Variants in ANKRD11 observed in about 807,000 individuals in gnomAD.
ANKRD11 encodes ankyrin repeat domain 11, also known as ankyrin repeat domain-containing protein 11.
ANKRD11 carries 17 observed loss-of-function variants against 195.7 expected under a neutral mutation model. That is an observed-to-expected ratio of 0.09 (90% confidence interval 0.06 to 0.13). The LOEUF is 0.13. ANKRD11 is among the 10% of genes least tolerant of loss of function. The pLI is 1.00. For missense variants in ANKRD11, 3,735 were observed against 3,566.1 expected (o/e 1.05, Z -1.21); for synonymous variants, 1,953 against 1,528.1 (o/e 1.28, Z -6.49).
At chr16:89,318,994 G>T (rs2037135311) in intron 2 of ANKRD11, among the ~76,000 whole-genome samples, 1 of 152,218 alleles carries the variant, frequency 6.6e-6, no homozygotes, top group African/African-American at 2.4e-5. Context: ...GGGCATCTCA[G>T]CACCTGACTC....
intron 2 of ANKRD11, among the ~76,000 whole-genome samples, chr16:89,321,718 T>TAAAA (rs2037339581): frequency 1.3e-5 from 2 of 152,050 alleles, no homozygotes; most frequent in Non-Finnish European, 2.9e-5. Flanking sequence ...AAAAAAGACT[T>TAAAA]CTTTGGGGTT....
At chr16:89,368,947 A>AAG (rs2040072331) in intron 2 of ANKRD11, among the ~76,000 whole-genome samples, 1 of 152,196 alleles carries the variant, frequency 6.6e-6, no homozygotes, top group Admixed American at 6.5e-5. Context: ...GTGGGACTCT[A>AAG]AGAGAAGGTC....
intron 2 of ANKRD11, among the ~76,000 whole-genome samples, chr16:89,391,727 G>T (rs945783495): frequency 1.3e-5 from 2 of 152,186 alleles, no homozygotes; most frequent in African/African-American, 2.4e-5. Flanking sequence ...AAGCACACTT[G>T]TAAGAAGTAA....
intron 1 of ANKRD11, among the ~76,000 whole-genome samples, chr16:89,438,382 C>T (rs2043304788): frequency 6.6e-6 from 1 of 151,330 alleles, no homozygotes; most frequent in East Asian, 1.9e-4. Flanking sequence ...TGCAGTGGTG[C>T]GATCTCAGCT....
At chr16:89,459,866 G>T (rs527582088) in intron 1 of ANKRD11, among the ~76,000 whole-genome samples, 1 of 151,528 alleles carries the variant, frequency 6.6e-6, no homozygotes. Flanking sequence ...CCAGGAAGTC[G>T]AGATTGCAGT....
chr16:89,410,187 T>A (rs2042060654), intron 2 of ANKRD11, among the ~76,000 whole-genome samples: 1 of 152,130 alleles, frequency 6.6e-6, no homozygotes, highest in Admixed American at 6.6e-5. Context: ...AGGGCAGAAT[T>A]TCACACGGAG....
At chr16:89,474,210 A>C (rs2057180753) in intron 1 of ANKRD11, among the ~76,000 whole-genome samples, 1 of 152,172 alleles carries the variant, frequency 6.6e-6, no homozygotes, top group African/African-American at 2.4e-5. Context: ...CTAGATTGCA[A>C]CCGGATGAAA....
At position 89,460,986 on chromosome 16, in the gene ANKRD11, G is replaced by A. The variant is rs1247082566; in HGVS notation, c.-145+29259C>T. 1.0e-4 allele frequency among the ~76,000 whole-genome samples: 11 copies of A among 106,106 alleles called. No homozygotes were observed. In the Admixed American group the frequency reaches 1.6e-3, roughly 15 times the overall value. 69.6% of individuals were successfully genotyped at this position (106,106 alleles called of 152,430 possible). A position where few individuals can be genotyped will look rare whatever the true frequency, so the allele number is the denominator to read the frequency against. ...ATCGTATGACCCCCCCCCCCAACAG[G>A]AGACGCACCTTGAGTGGTGACATTC... is the stretch of plus-strand genomic sequence containing the variant. On this transcript the variant is annotated intron_variant, in intron 1 of 12. Coordinates refer to ENST00000301030, the MANE Select transcript of ANKRD11 (RefSeq NM_013275.6).
chr16:89,376,954 A>G (rs28866281), intron 2 of ANKRD11, among the ~76,000 whole-genome samples: 4,141 of 152,326 alleles, frequency 0.027, 190 homozygotes, highest in African/African-American at 0.094. Flanking sequence ...AAGGGAAAAG[A>G]TAAACACCAG....
intron 2 of ANKRD11, among the ~76,000 whole-genome samples, chr16:89,333,851 C>T (rs1434245267): frequency 2.0e-5 from 3 of 152,202 alleles, no homozygotes; most frequent in African/African-American, 4.8e-5. Context: ...CAGAAAGGGA[C>T]GGTATTATTC....
intron 4 of ANKRD11, among the ~76,000 whole-genome samples, chr16:89,304,221 C>T (rs935453106): frequency 5.3e-5 from 8 of 152,202 alleles, no homozygotes; most frequent in African/African-American, 1.2e-4. Flanking sequence ...CTGCAGAAGG[C>T]GCTGACCCCA....
In ANKRD11 at chr16:89,285,381, C is replaced by T. The variant is rs1433352219; in HGVS notation, c.1161G>A (p.Glu387=). The T allele has an allele frequency of 4.3e-6, 7 of 1,614,098 alleles. No individual in the cohort carries two copies. In the East Asian group the frequency reaches 1.1e-4, roughly 26 times the overall value. ...SNSFISIPKM[E]VKSYTKNNTI... ...TGTTATTTTTAGTGTAACTTTTAACCTCCATTTTGGGTATAGAGATAAAAC... is the reference window on the plus strand; with the variant it reads ...TGTTATTTTTAGTGTAACTTTTAACTTCCATTTTGGGTATAGAGATAAAAC... The change falls in exon 9 of 13, where the codon GAG becomes GAA. Residue 387 remains glutamate (E), a synonymous_variant. Coordinates refer to ENST00000301030, the MANE Select transcript of ANKRD11 (RefSeq NM_013275.6). The surrounding 1 kb of genome is among the most constrained non-coding windows in gnomAD (Gnocchi z 5.6).
intron 2 of ANKRD11, among the ~76,000 whole-genome samples, chr16:89,390,873 C>G (rs2041161031): frequency 6.6e-6 from 1 of 152,172 alleles, no homozygotes; most frequent in African/African-American, 2.4e-5. Context: ...TTGCAAAATC[C>G]TTTCCACGAC....
At position 89,283,442 on chromosome 16, in the gene ANKRD11, C is replaced by T; in HGVS notation, c.3100G>A (p.Asp1034Asn). 1 of 1,614,170 alleles carries T rather than the reference C, an allele frequency of 6.2e-7. No individual in the cohort carries two copies. Among genetic ancestry groups the T allele is most frequent in the Non-Finnish European group, 8.5e-7 (1 of 1,180,060 alleles). ...ATTGATTTCTCACTTTTGTCCTTGT[C>T]ACTGGATTTCTCTTTGTATCTTTCT... is the stretch of plus-strand genomic sequence containing the variant. ...KPERYKEKSS[D>N]KDKSEKSILE... The change falls in exon 9 of 13, where the codon GAC becomes AAC. Residue 1034 changes from aspartate to asparagine, a missense_variant. Asp to Asn is a conservative substitution (Grantham distance 23). Coordinates refer to ENST00000301030, the MANE Select transcript of ANKRD11 (RefSeq NM_013275.6). The surrounding 1 kb of genome is among the most constrained non-coding windows in gnomAD (Gnocchi z 4.3).
rs148315213 is a variant in ANKRD11, at chr16:89,315,276, G to A, written c.87+1657C>T. On this transcript the variant is annotated intron_variant, in intron 3 of 12. Transcript: ENST00000301030. ...ACCCTTGCAGAGCTGGCTGCTCCCC[G>A]TGAATGCTGAGTCCCAGGACCCAAC... 2.6e-4 allele frequency among the ~76,000 whole-genome samples: 39 copies of A among 152,288 alleles called. No individual in the cohort carries two copies. In the East Asian group the frequency reaches 4.8e-3, roughly 19 times the overall value.
chr16:89,378,242 G>A (rs1412315480), intron 2 of ANKRD11, among the ~76,000 whole-genome samples: 1 of 152,158 alleles, frequency 6.6e-6, no homozygotes, highest in Non-Finnish European at 1.5e-5. Flanking sequence ...ATTAAAATGT[G>A]TTGACTGTTT....
chr16:89,401,074 T>C (rs114262501), intron 2 of ANKRD11, among the ~76,000 whole-genome samples: 11 of 151,766 alleles, frequency 7.2e-5, no homozygotes, highest in African/African-American at 2.4e-4. Flanking sequence ...AGTAATGTTA[T>C]ATATTTCTCT....
intron 2 of ANKRD11, among the ~76,000 whole-genome samples, chr16:89,374,655 A>C (rs2040342049): frequency 6.6e-6 from 1 of 152,242 alleles, no homozygotes; most frequent in South Asian, 2.1e-4. Context: ...TGCTACGATC[A>C]GAGGAGAAAA....
intron 2 of ANKRD11, among the ~76,000 whole-genome samples, chr16:89,415,565 G>T (rs747917056): frequency 6.6e-6 from 1 of 151,598 alleles, no homozygotes; most frequent in African/African-American, 2.4e-5. Flanking sequence ...CGCCCGGCAA[G>T]CTATTCTTTT....
Sources: gnomAD v4.1 joint callset for allele counts (sites outside exome capture counted in the v4.1 genomes callset) on GRCh38, gnomAD v4.1.1 for gene constraint, Gnocchi (gnomAD v3.1) non-coding constraint, MANE v1.5 for transcripts, NCBI Gene and HGNC (gene_info 2026-07-23, HGNC 2026-07-21) for gene names.